TENM3: variants seen among roughly 807,000 people sequenced by gnomAD.
TENM3 encodes the protein teneurin-3.
A neutral mutation model predicts 255.1 loss-of-function variants in TENM3; 63 were observed. That is an observed-to-expected ratio of 0.25 (90% CI 0.20 to 0.30). The LOEUF (loss-of-function observed/expected upper bound fraction) is 0.30. Ranked by LOEUF, TENM3 falls within the 10% of genes least tolerant of loss-of-function variation. The pLI, the probability that TENM3 is intolerant of heterozygous loss-of-function variation, is 1.00. For synonymous variants in TENM3, 1,306 were observed against 1,322.3 expected (o/e 0.99, Z 0.27); for missense variants, 2,929 against 3,461.1 (o/e 0.85, Z 3.86).
intron 22 of TENM3, among the ~76,000 whole-genome samples, chr4:182,763,391 C>G (rs1763378057): frequency 6.6e-6 from 1 of 152,058 alleles, no homozygotes; most frequent in Non-Finnish European, 1.5e-5. Context: ...CGGTGAAACC[C>G]CATCTCTACT....
chr4:182,701,934 C>T (rs901526211), intron 12 of TENM3, among the ~76,000 whole-genome samples: 2 of 152,148 alleles, frequency 1.3e-5, no homozygotes, highest in Non-Finnish European at 2.9e-5. Context: ...TTAGCAAACT[C>T]ACAATGTAAG....
chr4:181,656,761 T>C, the TENM3 span, among the ~76,000 whole-genome samples: 1 of 146,388 alleles, frequency 6.8e-6, no homozygotes, highest in South Asian at 2.1e-4. Flanking sequence ...AATAGAAAAC[T>C]GACAAAGAAG....
chr4:182,566,285 C>T (rs1448593969), intron 3 of TENM3, among the ~76,000 whole-genome samples: 1 of 152,136 alleles, frequency 6.6e-6, no homozygotes, highest in Non-Finnish European at 1.5e-5. Context: ...GTTTGTGACG[C>T]GATTTGGTAC....
chr4:182,341,851 A>G (rs914747246), intron 2 of TENM3, among the ~76,000 whole-genome samples: 18 of 152,222 alleles, frequency 1.2e-4, no homozygotes, highest in African/African-American at 4.3e-4. Flanking sequence ...GACTCACAGA[A>G]TCAGCTGCTT....
At chr4:182,307,658 T>TG (rs1478109522) in intron 1 of TENM3, among the ~76,000 whole-genome samples, 1 of 152,140 alleles carries the variant, frequency 6.6e-6, no homozygotes, top group Non-Finnish European at 1.5e-5. Flanking sequence ...AGAGCCGTGG[T>TG]GGGCAAAATT....
At chr4:182,619,913 C>T (rs768004597) in intron 4 of TENM3, among the ~76,000 whole-genome samples, 3 of 152,152 alleles carry the variant, frequency 2.0e-5, no homozygotes, top group Non-Finnish European at 4.4e-5. Flanking sequence ...AAAAAGAAGC[C>T]GCCGCGGCTG....
intron 13 of TENM3, among the ~76,000 whole-genome samples, chr4:182,716,769 T>C (rs1759211041): frequency 6.6e-6 from 1 of 152,242 alleles, no homozygotes; most frequent in Non-Finnish European, 1.5e-5. Flanking sequence ...TATTTAGGAC[T>C]AGACTGGATT....
At chr4:182,296,505 T>C (rs1392965451) in intron 1 of TENM3, among the ~76,000 whole-genome samples, 3 of 152,182 alleles carry the variant, frequency 2.0e-5, no homozygotes, top group Non-Finnish European at 4.4e-5. Context: ...CAAGCCTTGA[T>C]CTACCAAAAG....
chr4:182,503,524 T>C (rs1405737894), intron 3 of TENM3, among the ~76,000 whole-genome samples: 8 of 152,156 alleles, frequency 5.3e-5, no homozygotes, highest in Non-Finnish European at 1.2e-4. Flanking sequence ...CAAGTAACAA[T>C]CCCCAAATCT....
the TENM3 span, among the ~76,000 whole-genome samples, chr4:181,870,907 A>C: frequency 1.3e-5 from 2 of 152,040 alleles, no homozygotes; most frequent in Non-Finnish European, 2.9e-5. Flanking sequence ...TATAGTTTTG[A>C]TGCAATTGGA....
intron 1 of TENM3, among the ~76,000 whole-genome samples, chr4:182,253,062 G>A (rs1480383462): frequency 6.6e-6 from 1 of 152,166 alleles, no homozygotes. Context: ...TTATTTGTTT[G>A]TTTTAAACAA....
the TENM3 span, among the ~76,000 whole-genome samples, chr4:181,900,612 C>T: frequency 6.6e-6 from 1 of 152,138 alleles, no homozygotes; most frequent in Non-Finnish European, 1.5e-5. Flanking sequence ...TTGAAGTCTC[C>T]AAGCCCCTTG....
the TENM3 span, among the ~76,000 whole-genome samples, chr4:181,457,658 A>T: frequency 9.2e-5 from 14 of 151,836 alleles, no homozygotes; most frequent in African/African-American, 3.4e-4. Flanking sequence ...GACATGGTAG[A>T]TAGTCTATAT....
chr4:181,599,534 A>G, the TENM3 span, among the ~76,000 whole-genome samples: 2 of 152,298 alleles, frequency 1.3e-5, no homozygotes, highest in East Asian at 1.9e-4. Context: ...TTCTCCTACC[A>G]CTGAAATATT....
chr4:182,701,722 C>A (rs1028667012), intron 12 of TENM3, among the ~76,000 whole-genome samples: 1 of 152,200 alleles, frequency 6.6e-6, no homozygotes, highest in African/African-American at 2.4e-5. Flanking sequence ...AGTGTAAGAA[C>A]AAACCGCATA....
In TENM3 at chr4:182,801,539, C is replaced by T. The variant is rs950816691; in HGVS notation, c.*1188C>T. On this transcript the variant is annotated 3_prime_UTR_variant, in exon 28 of 28. Transcript: ENST00000511685. ...CCCCGAGGTTTTTACTGTTACTGTT[C>T]CAAAGCTCTGTCTCTTGATGGAGGA... 1 of 152,188 alleles carries T rather than the reference C, an allele frequency of 6.6e-6. No homozygotes were observed. The highest frequency in any genetic ancestry group is 1.5e-5 in the Non-Finnish European group (1 of 68,058). The allele number at this position is 152,188 out of a possible 1,614,324, so 9.4% of individuals were successfully genotyped here. A position where few individuals can be genotyped will look rare whatever the true frequency, so the allele number is the denominator to read the frequency against.
chr4:181,580,445 G>C, the TENM3 span, among the ~76,000 whole-genome samples: 1 of 152,196 alleles, frequency 6.6e-6, no homozygotes, highest in African/African-American at 2.4e-5. Flanking sequence ...TGCAGGGAGA[G>C]AGTGGGGAGT....
In TENM3 at chr4:182,755,023, T is replaced by G; in HGVS notation, c.4656T>G (p.Asp1552Glu). ...LYNFSYSNDN[D>E]ITAVTDSNGN... is the part of the protein sequence containing the mutation. ...ATTTTAGCTACAGCAATGACAATGA[T>G]ATTACTGCTGTGACAGACAGCAATG... The change falls in exon 22 of 28, where the codon GAT becomes GAG. Residue 1552 changes from aspartate to glutamate, a missense_variant. Coordinates refer to ENST00000511685, the MANE Select transcript of TENM3 (RefSeq NM_001080477.4). The G allele has an allele frequency of 6.2e-7, 1 of 1,614,062 alleles. No individual in the cohort carries two copies. Among genetic ancestry groups the G allele is most frequent in the Non-Finnish European group, 8.5e-7 (1 of 1,179,896 alleles).
In TENM3 at chr4:182,425,619, C is replaced by T. The variant is rs1771145125; in HGVS notation, c.511+78690C>T. Among the ~76,000 whole-genome samples, 2 of 152,190 alleles carry T rather than the reference C, an allele frequency of 1.3e-5. 1 individual carries two copies. The highest frequency in any genetic ancestry group is 4.1e-4 in the South Asian group (2 of 4,822). ...ATGATCAGATTGATCCCTGGTTACTCTCTGAAACATTGTGCTTCCATTCTT... is the reference window on the plus strand; with the variant it reads ...ATGATCAGATTGATCCCTGGTTACTTTCTGAAACATTGTGCTTCCATTCTT... On this transcript the variant is annotated intron_variant, in intron 3 of 27. Coordinates refer to ENST00000511685, the MANE Select transcript of TENM3 (RefSeq NM_001080477.4).
Sources: allele counts gnomAD v4.1 joint callset (sites outside exome capture counted in the v4.1 genomes callset), GRCh38; gene constraint gnomAD v4.1.1; transcripts MANE v1.5; gene names NCBI Gene and HGNC (gene_info 2026-07-23, HGNC 2026-07-21).